PSD3: variants seen among roughly 807,000 people sequenced by gnomAD.
The protein encoded by PSD3 is PH and SEC7 domain-containing protein 3.
A neutral mutation model predicts 105.5 loss-of-function variants in PSD3; 49 were observed. That is an observed-to-expected ratio of 0.46 (90% CI 0.37 to 0.59). The LOEUF (loss-of-function observed/expected upper bound fraction) is 0.59. PSD3 is among the 20% of genes least tolerant of loss of function. The pLI is 0.00. For missense variants in PSD3, 1,561 were observed against 1,263.8 expected (o/e 1.24, Z -3.57); for synonymous variants, 557 against 457.8 (o/e 1.22, Z -2.77).
intron 1 of PSD3, among the ~76,000 whole-genome samples, chr8:18,963,414 G>A (rs1019798679): frequency 6.6e-5 from 10 of 152,080 alleles, no homozygotes; most frequent in South Asian, 2.1e-4. Context: ...AGCCTCTGAC[G>A]TTTCTGTGGA....
Position 18,902,341 on chromosome 8 carries a change from CTTTTTTATAA to C in PSD3, c.131-29618_131-29609del, listed in dbSNP as rs1214131863. ...TCAAATACAGGATTTTTATTTAATT[CTTTTTTATAA>C]TTTCTCTCTCTTTGCTGAATTTCTC... On this transcript the variant is annotated intron_variant, in intron 2 of 15. Transcript: ENST00000327040. 1.8e-4 allele frequency among the ~76,000 whole-genome samples: 28 copies of C among 152,134 alleles called. No individual in the cohort carries two copies. The East Asian group carries it at 5.0e-3, about 27-fold the overall frequency.
Position 18,943,881 on chromosome 8 carries a change from T to A in PSD3, c.22-7739A>T, listed in dbSNP as rs188328670. Among the ~76,000 whole-genome samples the A allele has an allele frequency of 9.9e-5, 15 of 152,010 alleles. No homozygotes were observed. The East Asian group carries it at 2.9e-3, about 30-fold the overall frequency. On this transcript the variant is annotated intron_variant, in intron 1 of 15. Transcript: ENST00000327040. ...AAGCTAATGAAATTATGGCACCCTA[T>A]ACTTCACCATGCAAGCAGGAGACCG...
At chr8:18,681,402 T>C (rs1355988821) in intron 9 of PSD3, among the ~76,000 whole-genome samples, 9 of 143,206 alleles carry the variant, frequency 6.3e-5, no homozygotes, top group Non-Finnish European at 1.2e-4. Context: ...AGCCCAGGAG[T>C]TGGAGACCAA....
At chr8:18,992,310 A>T (rs200655436) in intron 1 of PSD3, among the ~76,000 whole-genome samples, 5 of 31,228 alleles carry the variant, frequency 1.6e-4, no homozygotes, top group African/African-American at 3.3e-4. Flanking sequence ...AGTGATACTT[A>T]AAAAAAAAAA....
At chr8:18,651,111 G>A (rs1006059598) in intron 10 of PSD3, among the ~76,000 whole-genome samples, 1 of 152,110 alleles carries the variant, frequency 6.6e-6, no homozygotes, top group Non-Finnish European at 1.5e-5. Flanking sequence ...ATATTCAAAA[G>A]AGATAAAAGT....
At chr8:18,808,804 G>T in intron 4 of PSD3, 1 of 1,613,718 alleles carries the variant, frequency 6.2e-7, no homozygotes, top group Middle Eastern at 1.7e-4. Flanking sequence ...CCTGGGGTGC[G>T]CCTGGACCAT....
intron 9 of PSD3, among the ~76,000 whole-genome samples, chr8:18,714,455 T>C (rs1313671362): frequency 2.1e-5 from 3 of 145,882 alleles, no homozygotes; most frequent in Non-Finnish European, 4.5e-5. Context: ...AACAACCCCA[T>C]CAAAAAGCAG....
intron 4 of PSD3, among the ~76,000 whole-genome samples, chr8:18,861,575 T>C (rs2129455488): frequency 6.6e-6 from 1 of 152,282 alleles, no homozygotes. Context: ...CCAACTCCAG[T>C]GCAGGGTTTC....
At chr8:18,938,817 G>A (rs1459631390) in intron 1 of PSD3, among the ~76,000 whole-genome samples, 2 of 152,134 alleles carry the variant, frequency 1.3e-5, no homozygotes, top group Non-Finnish European at 2.9e-5. Context: ...GGCAATGAGA[G>A]GCTAAATAAC....
rs940984142 is a variant in PSD3, at chr8:18,735,234, C to T, written c.2172+30215G>A. ...TATAGAGATAAGAGGAGACTACTTACCGCCAGGGCAGAAGAGCATGTTGAG... is the reference window on the plus strand; with the variant it reads ...TATAGAGATAAGAGGAGACTACTTATCGCCAGGGCAGAAGAGCATGTTGAG... On this transcript the variant is annotated intron_variant, in intron 9 of 15. Coordinates refer to ENST00000327040, the MANE Select transcript of PSD3 (RefSeq NM_015310.4). 2.6e-5 allele frequency among the ~76,000 whole-genome samples: 4 copies of T among 152,112 alleles called. No individual in the cohort carries two copies. The East Asian group carries it at 5.8e-4, about 22-fold the overall frequency.
chr8:18,954,948 C>CA (rs1262029928), intron 1 of PSD3, among the ~76,000 whole-genome samples: 4 of 151,884 alleles, frequency 2.6e-5, no homozygotes, highest in Non-Finnish European at 5.9e-5. Context: ...GGACAGACGC[C>CA]AAAAAAAGAG....
chr8:19,074,525 G>C (rs1193691663), intron 1 of PSD3, among the ~76,000 whole-genome samples: 4 of 144,120 alleles, frequency 2.8e-5, no homozygotes, highest in Non-Finnish European at 4.5e-5. Flanking sequence ...CAAACATGTA[G>C]TCTACTATTT....
intron 8 of PSD3, among the ~76,000 whole-genome samples, chr8:18,793,401 C>T (rs1197733927): frequency 6.8e-6 from 1 of 146,546 alleles, no homozygotes; most frequent in African/African-American, 2.5e-5. Flanking sequence ...AACTGGGTGA[C>T]GAGATGATCT....
At chr8:18,620,343 T>G (rs1337668832) in intron 11 of PSD3, among the ~76,000 whole-genome samples, 2 of 75,370 alleles carry the variant, frequency 2.7e-5, no homozygotes, top group Non-Finnish European at 5.0e-5. Flanking sequence ...TGGGTTTGTG[T>G]TTTTTTTTTT....
At chr8:18,727,574 A>ACG in intron 9 of PSD3, among the ~76,000 whole-genome samples, 1 of 150,170 alleles carries the variant, frequency 6.7e-6, no homozygotes, top group African/African-American at 2.5e-5. Flanking sequence ...ACACACACAC[A>ACG]CACACACACG....
intron 1 of PSD3, among the ~76,000 whole-genome samples, chr8:18,959,515 C>G (rs749497977): frequency 6.6e-6 from 1 of 152,126 alleles, no homozygotes; most frequent in Non-Finnish European, 1.5e-5. Flanking sequence ...TTCCAACTTT[C>G]TCTCTCATTG....
intron 11 of PSD3, among the ~76,000 whole-genome samples, chr8:18,621,945 T>A (rs1422883467): frequency 6.6e-6 from 1 of 152,218 alleles, no homozygotes; most frequent in Non-Finnish European, 1.5e-5. Flanking sequence ...TCAGTATGGA[T>A]GACTCAGAAT....
intron 9 of PSD3, among the ~76,000 whole-genome samples, chr8:18,709,198 G>A (rs1802087477): frequency 6.6e-6 from 1 of 152,158 alleles, no homozygotes. Context: ...AGACCAGGAG[G>A]AATTCCCCAC....
At chr8:18,970,543 C>G (rs979002169) in intron 1 of PSD3, among the ~76,000 whole-genome samples, 2 of 152,058 alleles carry the variant, frequency 1.3e-5, no homozygotes, top group Non-Finnish European at 2.9e-5. Flanking sequence ...CTTCCCATGT[C>G]CTAAATGCCA....
Sources: allele counts gnomAD v4.1 joint callset (sites outside exome capture counted in the v4.1 genomes callset), GRCh38; gene constraint gnomAD v4.1.1; transcripts MANE v1.5; gene names NCBI Gene and HGNC (gene_info 2026-07-23, HGNC 2026-07-21).